LTA: variants seen among roughly 807,000 people sequenced by gnomAD.
LTA encodes lymphotoxin alpha.
Under a neutral mutation model 15.1 loss-of-function variants are expected in LTA, and 6 were observed. The ratio of observed to expected loss-of-function variants is 0.40; its 90% CI spans 0.22 to 0.78. The LOEUF (loss-of-function observed/expected upper bound fraction) is 0.78, where lower values mean the gene tolerates loss of function less well. Among genes scored for constraint, LTA ranks in the 30% least tolerant of loss-of-function variants. The pLI is 0.38. For missense variants in LTA, 173 were observed against 249.5 expected (o/e 0.69, Z 2.06); for synonymous variants, 87 against 107.3 (o/e 0.81, Z 1.17).
rs1770884364 is a variant in LTA at position 31,572,430 on chromosome 6, C to T, written c.-26C>T. 3.9e-6 allele frequency: 2 copies of T among 507,276 alleles called. No individual in the cohort carries two copies. The highest frequency in any genetic ancestry group is 3.5e-6 in the Non-Finnish European group (1 of 284,406). The allele number at this position is 507,276 out of a possible 1,614,324, so 31.4% of individuals were successfully genotyped here. ...ACCTGCTGCCTGGATCCCCGGCCTGCCTGGGCCTGGGCCTTGGTGGGTTTG... is the reference window on the plus strand; with the variant it reads ...ACCTGCTGCCTGGATCCCCGGCCTGTCTGGGCCTGGGCCTTGGTGGGTTTG... On this transcript the variant is annotated 5_prime_UTR_variant, in exon 1 of 4. Transcript: ENST00000418386.
chr6:31,572,210 G>A (rs764377499), upstream of LTA: 3 of 171,010 alleles, frequency 1.8e-5, no homozygotes, highest in Non-Finnish European at 3.7e-5. Flanking sequence ...CCCCAGCCCC[G>A]ACCTAGAACC....
At chr6:31,563,224 GAT>G in the LTA span, among the ~76,000 whole-genome samples, 1 of 152,138 alleles carries the variant, frequency 6.6e-6, no homozygotes, top group African/African-American at 2.4e-5. Flanking sequence ...ATATAGTAAA[GAT>G]AGAGGAAGTG....
At chr6:31,566,957 A>G in the LTA span, among the ~76,000 whole-genome samples, 1 of 151,070 alleles carries the variant, frequency 6.6e-6, no homozygotes, top group Non-Finnish European at 1.5e-5. Flanking sequence ...AAGAAAGAAA[A>G]AAAATCCAGG....
chr6:31,568,757 G>A (rs1035222809), upstream of LTA, among the ~76,000 whole-genome samples: 7 of 152,074 alleles, frequency 4.6e-5, no homozygotes, highest in Admixed American at 2.0e-4. The surrounding 1 kb of genome is among the most constrained non-coding windows in gnomAD (Gnocchi z 4.1). Flanking sequence ...TACAACCTCC[G>A]AAACTGAGAT....
At chr6:31,569,390 A>G (rs1185083185), upstream of LTA, among the ~76,000 whole-genome samples, 3 of 152,200 alleles carry the variant, frequency 2.0e-5, no homozygotes, top group Non-Finnish European at 1.5e-5. Context: ...GCAGAAAGAG[A>G]CAACAGGAAG....
At chr6:31,563,952 A>G in the LTA span, among the ~76,000 whole-genome samples, 1 of 152,206 alleles carries the variant, frequency 6.6e-6, no homozygotes, top group Non-Finnish European at 1.5e-5. Context: ...GAAATTGTTG[A>G]CCATGCAGTA....
At chr6:31,561,805 AAAT>A in the LTA span, among the ~76,000 whole-genome samples, 6 of 152,168 alleles carry the variant, frequency 3.9e-5, no homozygotes, top group Non-Finnish European at 8.8e-5. Flanking sequence ...GACAGTATAC[AAAT>A]AATAACTATA....
chr6:31,567,527 C>T (rs548911823), upstream of LTA, among the ~76,000 whole-genome samples: 63 of 151,972 alleles, frequency 4.1e-4, no homozygotes, highest in African/African-American at 1.4e-3. Flanking sequence ...GGTGCCACTG[C>T]ACTCCAGCCT....
the LTA span, among the ~76,000 whole-genome samples, chr6:31,565,440 T>C: frequency 1.3e-5 from 2 of 152,180 alleles, no homozygotes; most frequent in East Asian, 1.9e-4. Flanking sequence ...GAAGATGCAC[T>C]GCATCCATTG....
intron 1 of LTA, 35 bp from the exon 2 acceptor site, chr6:31,572,699 T>C: frequency 1.3e-6 from 2 of 1,505,360 alleles, no homozygotes; most frequent in African/African-American, 1.4e-5. Context: ...CCCGCCCCGC[T>C]CACTGTCTCT....
At chr6:31,565,500 AGTTCCATGGCTTTAAACACCATCCT>A in the LTA span, among the ~76,000 whole-genome samples, 1 of 152,168 alleles carries the variant, frequency 6.6e-6, no homozygotes, top group Non-Finnish European at 1.5e-5. Context: ...GCACAAGATA[AGTTCCATGGCTTTAAACACCATCCT>A]CATGCTGACC....
chr6:31,561,977 T>C, the LTA span, among the ~76,000 whole-genome samples: 2 of 151,928 alleles, frequency 1.3e-5, no homozygotes, highest in Non-Finnish European at 2.9e-5. Flanking sequence ...CATCATTCCC[T>C]TCCCAGTAGA....
At chr6:31,572,589 G>A in intron 1 of LTA, 143 bp downstream of exon 1, 1 of 617,318 alleles carries the variant, frequency 1.6e-6, no homozygotes, top group South Asian at 1.9e-5. Context: ...TCACCTTGGG[G>A]TTTCTCTGAC....
At position 31,572,715 on chromosome 6, in the gene LTA, T is replaced by G; in HGVS notation, c.-9-19T>G. The G allele has an allele frequency of 6.4e-7, 1 of 1,560,896 alleles. No homozygotes were observed. The highest frequency in any genetic ancestry group is 8.8e-7 in the Non-Finnish European group (1 of 1,140,878). The stretch of plus-strand genomic sequence containing the variant: ...CCGCCCCGCTCACTGTCTCTCTCTC[T>G]CTCTCTCTTTCTCTGCAGGTTCTCC... On this transcript the variant is annotated intron_variant, in intron 1 of 3. Transcript: ENST00000418386.
chr6:31,570,301 C>T (rs1378500800), upstream of LTA, among the ~76,000 whole-genome samples: 1 of 152,144 alleles, frequency 6.6e-6, no homozygotes. Flanking sequence ...ATAGCTCATA[C>T]ACACCCAGAA....
chr6:31,572,510 G>T, intron 1 of LTA, 64 bp downstream of exon 1: 1 of 588,978 alleles, frequency 1.7e-6, no homozygotes. Flanking sequence ...CATTGTCTCT[G>T]TCACACATTC....
At chr6:31,565,706 C>T in the LTA span, among the ~76,000 whole-genome samples, 4 of 152,282 alleles carry the variant, frequency 2.6e-5, no homozygotes, top group East Asian at 7.7e-4. Context: ...GTATCTACAT[C>T]TCCCACCCAT....
rs1289958403 is a variant in LTA, at chr6:31,573,944, C to T, written c.*251C>T. ...CAAGCCTGCCTAGGAATTCCCAGCC[C>T]AAAGCTGTTGGTCTGTCCCACCAGC... On this transcript the variant is annotated 3_prime_UTR_variant, in exon 4 of 4. Transcript: ENST00000418386. 2 of 682,980 alleles carry T rather than the reference C, an allele frequency of 2.9e-6. No individual in the cohort carries two copies. Among genetic ancestry groups the T allele is most frequent in the African/African-American group, 3.5e-5 (2 of 56,916 alleles). 42.3% of individuals were successfully genotyped at this position (682,980 alleles called of 1,614,324 possible). A position where few individuals can be genotyped will look rare whatever the true frequency, so the allele number is the denominator to read the frequency against.
At chr6:31,569,938 C>A (rs145308011), upstream of LTA, among the ~76,000 whole-genome samples, 717 of 152,246 alleles carry the variant, frequency 4.7e-3, 8 homozygotes, top group African/African-American at 0.016. Context: ...ATGGCCAGGC[C>A]TTGCTGGGAT....
Sources: gnomAD v4.1 joint callset for allele counts (sites outside exome capture counted in the v4.1 genomes callset) on GRCh38, gnomAD v4.1.1 for gene constraint, Gnocchi (gnomAD v3.1) non-coding constraint, MANE v1.5 for transcripts, NCBI Gene and HGNC (gene_info 2026-07-23, HGNC 2026-07-21) for gene names.